The following CSRP2 variants were observed in gnomAD, a reference collection of about 807,000 sequenced individuals.
CSRP2 encodes cysteine and glycine rich protein 2, also known as cysteine and glycine-rich protein 2.
CSRP2 carries 18 observed loss-of-function variants against 24.6 expected under a neutral mutation model. The observed-to-expected ratio is 0.73, with a 90% confidence interval of 0.51 to 1.09. The LOEUF (loss-of-function observed/expected upper bound fraction) is 1.09, where lower values mean the gene tolerates loss of function less well. Ranked by LOEUF, CSRP2 falls within the 50% of genes least tolerant of loss-of-function variation. The probability of loss-of-function intolerance (pLI) is 0.00; values close to 1 mark genes in which losing one functional copy is unlikely to be tolerated. For missense variants in CSRP2, 215 were observed against 239.4 expected, an observed-to-expected ratio of 0.90 and a Z score of 0.67; for synonymous variants, 87 against 84.3, an observed-to-expected ratio of 1.03 and a Z score of -0.18.
intron 1 of CSRP2, among the ~76,000 whole-genome samples, chr12:76,866,772 G>T (rs1261452591): frequency 6.6e-6 from 1 of 152,222 alleles, no homozygotes; most frequent in African/African-American, 2.4e-5. Flanking sequence ...AGGGAACAAA[G>T]TGTGTTGCCC....
At chr12:76,866,361 T>C (rs1391884170) in intron 1 of CSRP2, 100 bp from the exon 2 acceptor site, 4 of 773,094 alleles carry the variant, frequency 5.2e-6, no homozygotes, top group South Asian at 3.4e-5. Flanking sequence ...TTCGTTTCTT[T>C]ATGAACCTCT....
At chr12:76,872,994 G>A (rs1953816840) in intron 1 of CSRP2, among the ~76,000 whole-genome samples, 1 of 152,200 alleles carries the variant, frequency 6.6e-6, no homozygotes, top group Non-Finnish European at 1.5e-5. Flanking sequence ...CGCATTTACT[G>A]TCTTACTTTA....
At chr12:76,877,676 G>C (rs1222154863) in intron 1 of CSRP2, among the ~76,000 whole-genome samples, 2 of 152,198 alleles carry the variant, frequency 1.3e-5, no homozygotes, top group Admixed American at 1.3e-4. Flanking sequence ...GACAATGGAC[G>C]AGAGCGATGA....
Position 76,879,004 on chromosome 12 carries a change from G to C in CSRP2, c.-68C>G, listed in dbSNP as rs1201674687. On this transcript the variant is annotated 5_prime_UTR_variant, in exon 1 of 6. Transcript: ENST00000311083. ...GAGGCTGGGCTGGAGGGAGGGTCCA[G>C]GGAGTCCGAGATCCCAGGCGAAGCG... is the stretch of plus-strand genomic sequence containing the variant. 1 of 152,438 alleles carries C rather than the reference G, an allele frequency of 6.6e-6. No homozygotes were observed. Among genetic ancestry groups the C allele is most frequent in the African/African-American group, 2.4e-5 (1 of 41,594 alleles). The allele number at this position is 152,438 out of a possible 1,614,324, so 9.4% of individuals were successfully genotyped here.
chr12:76,871,741 G>A (rs951938500), intron 1 of CSRP2, among the ~76,000 whole-genome samples: 3 of 149,448 alleles, frequency 2.0e-5, no homozygotes, highest in Non-Finnish European at 3.0e-5. Flanking sequence ...TCCCGCCTGG[G>A]TGAAACTGCA....
intron 4 of CSRP2, 37 bp downstream of exon 4, chr12:76,860,247 A>G: frequency 7.5e-6 from 12 of 1,601,294 alleles, no homozygotes; most frequent in Non-Finnish European, 9.4e-6. Context: ...AGCAGAGAGA[A>G]GTCATTTGCT....
chr12:76,873,579 C>T (rs1025359697), intron 1 of CSRP2, among the ~76,000 whole-genome samples: 12 of 152,124 alleles, frequency 7.9e-5, no homozygotes, highest in Admixed American at 6.6e-4. Context: ...TAAGAACACG[C>T]GTTTGGAGTC....
At chr12:76,866,911 C>T (rs1441685896) in intron 1 of CSRP2, among the ~76,000 whole-genome samples, 2 of 152,176 alleles carry the variant, frequency 1.3e-5, no homozygotes, top group Non-Finnish European at 2.9e-5. Context: ...ATCCAGATGG[C>T]TCCGGCTTAA....
intron 1 of CSRP2, among the ~76,000 whole-genome samples, chr12:76,868,937 GAAA>G (rs980686297): frequency 6.5e-5 from 4 of 61,240 alleles, no homozygotes; most frequent in African/African-American, 1.6e-4. Context: ...CGCCTCAAAA[GAAA>G]AAAAAAAAAA....
chr12:76,862,543 AAAAG>A, intron 3 of CSRP2: 1 of 295,634 alleles, frequency 3.4e-6, no homozygotes, highest in African/African-American at 2.2e-5. Flanking sequence ...TCTGTGACAA[AAAAG>A]AAAAAAAAAA....
intron 2 of CSRP2, 143 bp downstream of exon 2, chr12:76,866,006 A>G (rs906418177): frequency 3.1e-6 from 2 of 644,144 alleles, no homozygotes; most frequent in Admixed American, 2.7e-5. Flanking sequence ...CTTGGCATTT[A>G]CAACATCTAA....
intron 2 of CSRP2, chr12:76,863,594 C>G: frequency 2.7e-6 from 1 of 374,808 alleles, no homozygotes; most frequent in Non-Finnish European, 4.7e-6. Context: ...ATCCAGAAGC[C>G]TCAAGCTTTA....
chr12:76,870,975 CAAAAAAAAAA>C (rs398020213), intron 1 of CSRP2, among the ~76,000 whole-genome samples: 7 of 57,180 alleles, frequency 1.2e-4, no homozygotes, highest in East Asian at 6.0e-4. Context: ...GACCCTGTCT[CAAAAAAAAAA>C]AAAAAAAAAA....
At chr12:76,863,378 C>A in intron 2 of CSRP2, 34 bp from the exon 3 acceptor site, 1 of 1,604,898 alleles carries the variant, frequency 6.2e-7, no homozygotes, top group South Asian at 1.1e-5. Flanking sequence ...TACACATGTT[C>A]CAAAGATGCC....
At position 76,866,246 on chromosome 12, in the gene CSRP2, TC is replaced by T; in HGVS notation, c.14del (p.Gly5GlufsTer40). 6.2e-7 allele frequency: 1 copy of T among 1,613,856 alleles called. No homozygotes were observed. Among genetic ancestry groups the T allele is most frequent in the Non-Finnish European group, 8.5e-7 (1 of 1,179,794 alleles). On this transcript the variant is annotated frameshift_variant, in exon 2 of 6. Coordinates refer to ENST00000311083, the MANE Select transcript of CSRP2 (RefSeq NM_001321.3). LOFTEE classifies it high-confidence loss of function. ...CACAGGCCCCACACTTGTTTCCACC[TC>T]CCCAGACAGGCATTCTGAAGGAATA... MPVW[G>X]GGNKCGACGR...
rs1406745284 is a variant in CSRP2 at position 76,866,252 on chromosome 12, G to A, written c.9C>T (p.Val3=). 1 of 1,613,508 alleles carries A rather than the reference G, an allele frequency of 6.2e-7. No individual in the cohort carries two copies. Among genetic ancestry groups the A allele is most frequent in the Non-Finnish European group, 8.5e-7 (1 of 1,179,482 alleles). The change falls in exon 2 of 6, where the codon GTC becomes GTT. Residue 3 remains valine, a synonymous_variant. Coordinates refer to ENST00000311083, the MANE Select transcript of CSRP2 (RefSeq NM_001321.3). ...CCCCACACTTGTTTCCACCTCCCCA[G>A]ACAGGCATTCTGAAGGAATAAAGGA... MP[V]WGGGNKCGAC...
chr12:76,865,248 T>A (rs922155691), intron 2 of CSRP2, among the ~76,000 whole-genome samples: 10 of 152,258 alleles, frequency 6.6e-5, no homozygotes, highest in Non-Finnish European at 7.3e-5. Flanking sequence ...TGCATTCTGT[T>A]TCCATACTTT....
At chr12:76,866,009 A>G in intron 2 of CSRP2, 140 bp downstream of exon 2, 1 of 646,848 alleles carries the variant, frequency 1.5e-6, no homozygotes, top group Admixed American at 2.7e-5. Flanking sequence ...GGCATTTACA[A>G]CATCTAAGAA....
At chr12:76,878,617 C>G (rs1179472205) in intron 1 of CSRP2, among the ~76,000 whole-genome samples, 1 of 152,252 alleles carries the variant, frequency 6.6e-6, no homozygotes, top group African/African-American at 2.4e-5. Flanking sequence ...CAACCCGCCT[C>G]TCTCCCAGAG....
Sources: allele counts gnomAD v4.1 joint callset (sites outside exome capture counted in the v4.1 genomes callset), GRCh38; gene constraint gnomAD v4.1.1; transcripts MANE v1.5; gene names NCBI Gene and HGNC (gene_info 2026-07-23, HGNC 2026-07-21).